The following DENND1A variants were observed in gnomAD, a reference collection of about 807,000 sequenced individuals.
The protein encoded by DENND1A is DENN domain-containing protein 1A.
DENND1A carries 51 observed loss-of-function variants against 113.7 expected under a neutral mutation model. The ratio of observed to expected loss-of-function variants is 0.45; its 90% CI spans 0.36 to 0.57. The LOEUF (loss-of-function observed/expected upper bound fraction) is 0.57. Among genes scored for constraint, DENND1A ranks in the 20% least tolerant of loss-of-function variants. The probability of loss-of-function intolerance (pLI) is 0.00; values close to 1 mark genes in which losing one functional copy is unlikely to be tolerated. For missense variants in DENND1A, 1,258 were observed against 1,395.9 expected (o/e 0.90, Z 1.57); for synonymous variants, 565 against 570.8 (o/e 0.99, Z 0.14).
intron 13 of DENND1A, among the ~76,000 whole-genome samples, chr9:123,495,141 TTCTCTCTCTCTC>T (rs56390148): frequency 7.1e-6 from 1 of 140,550 alleles, no homozygotes; most frequent in African/African-American, 2.8e-5. Context: ...CATTGTCTCT[TTCTCTCTCTCTC>T]TCTCTCTCTC....
chr9:123,412,549 C>T (rs186850975), intron 19 of DENND1A, among the ~76,000 whole-genome samples: 12 of 152,334 alleles, frequency 7.9e-5, no homozygotes, highest in Admixed American at 5.9e-4. Flanking sequence ...GCTCAACAAG[C>T]GTCTGATGAA....
intron 19 of DENND1A, chr9:123,413,349 TTA>T (rs1391547600): frequency 4.5e-6 from 4 of 896,890 alleles, no homozygotes; most frequent in Middle Eastern, 5.7e-4. Flanking sequence ...TTTCACCTGT[TTA>T]TGTTTCACAT....
chr9:123,528,621 A>G (rs957898457), intron 13 of DENND1A, among the ~76,000 whole-genome samples: 1 of 152,152 alleles, frequency 6.6e-6, no homozygotes, highest in Non-Finnish European at 1.5e-5. Flanking sequence ...GAGCTAATAT[A>G]ATGCCCTTCT....
At chr9:123,573,026 C>T (rs1035269274) in intron 12 of DENND1A, among the ~76,000 whole-genome samples, 52 of 152,036 alleles carry the variant, frequency 3.4e-4, no homozygotes, top group Middle Eastern at 3.4e-3. Context: ...TGTTCCAGCA[C>T]GTTTGTTGGA....
Position 123,694,064 on chromosome 9 carries a change from G to C in DENND1A, c.303-17275C>G, listed in dbSNP as rs148273801. ...TTGGCCAGGATGGTCTCGATCTCTT[G>C]ACCTTGTGATATGCCTGCCTTGGCC... On this transcript the variant is annotated intron_variant, in intron 5 of 23. Transcript: ENST00000394215. Among the ~76,000 whole-genome samples the C allele has an allele frequency of 9.6e-3, 1,457 of 151,570 alleles. 29 individuals are homozygous for C. The highest frequency in any genetic ancestry group is 0.01 in the Non-Finnish European group (689 of 67,938).
intron 5 of DENND1A, among the ~76,000 whole-genome samples, chr9:123,730,436 G>A (rs998508223): frequency 1.3e-5 from 2 of 152,068 alleles, no homozygotes; most frequent in African/African-American, 4.8e-5. Flanking sequence ...CCATCAAAAA[G>A]AGGGCAAAGG....
chr9:123,703,489 A>C (rs929700270), intron 5 of DENND1A, among the ~76,000 whole-genome samples: 6 of 152,194 alleles, frequency 3.9e-5, no homozygotes, highest in African/African-American at 1.4e-4. Flanking sequence ...AAAAAACTAT[A>C]ATAGATACAC....
At chr9:123,775,823 C>T (rs1282857601) in intron 3 of DENND1A, among the ~76,000 whole-genome samples, 1 of 152,216 alleles carries the variant, frequency 6.6e-6, no homozygotes, top group African/African-American at 2.4e-5. Context: ...TGAGGTCTCA[C>T]TCCTTTTACA....
chr9:123,858,737 T>G (rs991617215), intron 2 of DENND1A, among the ~76,000 whole-genome samples: 3 of 152,164 alleles, frequency 2.0e-5, no homozygotes, highest in African/African-American at 7.2e-5. Context: ...GATCAGTCTG[T>G]AGGCAATAGG....
chr9:123,833,958 A>C (rs1275974079), intron 2 of DENND1A, among the ~76,000 whole-genome samples: 2 of 152,186 alleles, frequency 1.3e-5, no homozygotes, highest in Non-Finnish European at 2.9e-5. Flanking sequence ...CGGGAGGCTG[A>C]GGCAGGAGAA....
chr9:123,450,262 G>C (rs774851757), intron 18 of DENND1A, among the ~76,000 whole-genome samples: 16 of 152,146 alleles, frequency 1.1e-4, no homozygotes, highest in Non-Finnish European at 1.5e-4. Flanking sequence ...GCTGTGTCTG[G>C]GCGGTGGCCA....
At chr9:123,582,950 CG>C (rs1179420769) in intron 12 of DENND1A, among the ~76,000 whole-genome samples, 1 of 146,320 alleles carries the variant, frequency 6.8e-6, no homozygotes, top group Non-Finnish European at 1.5e-5. Flanking sequence ...CCACCCGCCT[CG>C]GCCTCCCAAA....
intron 13 of DENND1A, among the ~76,000 whole-genome samples, chr9:123,466,431 C>A (rs1057040139): frequency 3.3e-5 from 5 of 152,198 alleles, no homozygotes; most frequent in Non-Finnish European, 2.9e-5. Flanking sequence ...TCCTGAGTAG[C>A]TGGGATTACA....
At chr9:123,573,570 T>G (rs907672654) in intron 12 of DENND1A, among the ~76,000 whole-genome samples, 1 of 152,152 alleles carries the variant, frequency 6.6e-6, no homozygotes, top group Non-Finnish European at 1.5e-5. Flanking sequence ...TTTTAAATGG[T>G]ACTTTAAAAA....
At position 123,847,632 on chromosome 9, in the gene DENND1A, G is replaced by A. The variant is rs188343923; in HGVS notation, c.88+31319C>T. 4.3e-4 allele frequency among the ~76,000 whole-genome samples: 66 copies of A among 152,230 alleles called. 1 individual carries two copies. Among genetic ancestry groups the A allele is most frequent in the East Asian group, 1.2e-3 (6 of 5,180 alleles). On this transcript the variant is annotated intron_variant, in intron 2 of 23. Transcript: ENST00000394215. ...ATGAAAAAACTCTGAGATGCAAGAA[G>A]ACATAAAGAACAAAGAAAATGGCCA...
At chr9:123,918,817 T>C (rs1413536193) in intron 1 of DENND1A, among the ~76,000 whole-genome samples, 2 of 152,100 alleles carry the variant, frequency 1.3e-5, no homozygotes, top group Non-Finnish European at 2.9e-5. Context: ...CTCTAATTAA[T>C]GAACAGATCA....
chr9:123,626,956 C>T (rs2061249013), intron 10 of DENND1A, among the ~76,000 whole-genome samples: 1 of 152,160 alleles, frequency 6.6e-6, no homozygotes. Context: ...GAGGAAGAGG[C>T]AGACAGGCAG....
chr9:123,454,631 C>T (rs141285339), intron 16 of DENND1A, 108 bp downstream of exon 16: 3 of 1,128,976 alleles, frequency 2.7e-6, no homozygotes, highest in Non-Finnish European at 3.9e-6. Context: ...GCATCTCCAG[C>T]AGAGAGAATG....
At chr9:123,786,702 C>T (rs1007182976) in intron 3 of DENND1A, among the ~76,000 whole-genome samples, 2 of 152,170 alleles carry the variant, frequency 1.3e-5, no homozygotes, top group African/African-American at 4.8e-5. Flanking sequence ...ATAAGTTGCT[C>T]TTTTTAAGAC....
Sources: allele counts gnomAD v4.1 joint callset (sites outside exome capture counted in the v4.1 genomes callset), GRCh38; gene constraint gnomAD v4.1.1; transcripts MANE v1.5; gene names NCBI Gene and HGNC (gene_info 2026-07-23, HGNC 2026-07-21).